CAMTA1: variants seen among roughly 807,000 people sequenced by gnomAD.
CAMTA1 encodes the protein calmodulin-binding transcription activator 1.
Under a neutral mutation model 170.9 loss-of-function variants are expected in CAMTA1, and 27 were observed. The ratio of observed to expected loss-of-function variants is 0.16; its 90% CI spans 0.12 to 0.22. The LOEUF (loss-of-function observed/expected upper bound fraction) is 0.22, where lower values mean the gene tolerates loss of function less well. CAMTA1 is among the 10% of genes least tolerant of loss of function. The probability of loss-of-function intolerance (pLI) is 1.00; values close to 1 mark genes in which losing one functional copy is unlikely to be tolerated. For synonymous variants in CAMTA1, 833 were observed against 891.5 expected (o/e 0.93, Z 1.17); for missense variants, 1,619 against 2,217.2 (o/e 0.73, Z 5.42).
intron 5 of CAMTA1, among the ~76,000 whole-genome samples, chr1:7,402,149 TC>T (rs2089948885): frequency 6.6e-6 from 1 of 152,188 alleles, no homozygotes; most frequent in Non-Finnish European, 1.5e-5. Context: ...GTGGGTTTTT[TC>T]CTAATCCAGG....
At position 7,685,103 on chromosome 1, in the gene CAMTA1, G is replaced by A. The variant is rs185989126; in HGVS notation, c.2914+7370G>A. Among the ~76,000 whole-genome samples the A allele has an allele frequency of 7.1e-4, 107 of 151,730 alleles. No individual in the cohort carries two copies. The highest frequency in any genetic ancestry group is 2.4e-3 in the Admixed American group (37 of 15,242). ...ACAGGTGGCGTGTTTTGAGGAGTTC[G>A]CAGGCACCGTCCTGCGGTCACAGGT... On this transcript the variant is annotated intron_variant, in intron 11 of 22. Transcript: ENST00000303635. The surrounding 1 kb of genome is among the most constrained non-coding windows in gnomAD (Gnocchi z 5.7).
At chr1:7,652,084 G>A (rs909269140) in intron 7 of CAMTA1, among the ~76,000 whole-genome samples, 6 of 149,428 alleles carry the variant, frequency 4.0e-5, no homozygotes, top group African/African-American at 1.2e-4. Flanking sequence ...AGGCCCTGTC[G>A]TGGAGCCAAG....
intron 3 of CAMTA1, among the ~76,000 whole-genome samples, chr1:6,831,717 A>G (rs764010071): frequency 3.9e-5 from 6 of 152,216 alleles, no homozygotes; most frequent in South Asian, 4.1e-4. Context: ...TCTCTAGAGT[A>G]AGCAAACAAA....
At chr1:7,247,611 G>C (rs1666018416) in intron 4 of CAMTA1, among the ~76,000 whole-genome samples, 1 of 152,070 alleles carries the variant, frequency 6.6e-6, no homozygotes, top group African/African-American at 2.4e-5. Flanking sequence ...TTTTTGGAGA[G>C]AATGAGCCAC....
At chr1:7,004,379 G>T (rs376293751) in intron 3 of CAMTA1, among the ~76,000 whole-genome samples, 1 of 152,206 alleles carries the variant, frequency 6.6e-6, no homozygotes, top group Non-Finnish European at 1.5e-5. Context: ...TGAAGAGGAG[G>T]CAGCTGCTCT....
chr1:7,411,275 CT>C (rs2090719597), intron 5 of CAMTA1, among the ~76,000 whole-genome samples: 1 of 152,164 alleles, frequency 6.6e-6, no homozygotes, highest in Admixed American at 6.5e-5. Flanking sequence ...AGGGGTCCCC[CT>C]CTTTGGCGCA....
Position 6,887,809 on chromosome 1 carries a change from T to C in CAMTA1, c.234+62599T>C, listed in dbSNP as rs1455230971. 4.0e-6 allele frequency: 6 copies of C among 1,500,480 alleles called. No individual in the cohort carries two copies. The highest frequency in any genetic ancestry group is 2.3e-5 in the Admixed American group (1 of 43,780). 92.9% of individuals were successfully genotyped at this position (1,500,480 alleles called of 1,614,324 possible). On this transcript the variant is annotated intron_variant, in intron 3 of 22. Transcript: ENST00000303635. The surrounding 1 kb of genome is among the most constrained non-coding windows in gnomAD (Gnocchi z 4.1). ...CATGTCTGGCTTTAAGACAGTTCTA[T>C]TAGTGAATTAACTGTTCTCAAAACC...
intron 11 of CAMTA1, among the ~76,000 whole-genome samples, chr1:7,711,202 T>C (rs1279574051): frequency 6.6e-6 from 1 of 152,184 alleles, no homozygotes; most frequent in African/African-American, 2.4e-5. Flanking sequence ...AGAGGGCAAG[T>C]TGCTCTCTGG....
intron 3 of CAMTA1, among the ~76,000 whole-genome samples, chr1:6,999,662 GT>G (rs1697905736): frequency 6.6e-6 from 1 of 152,062 alleles, no homozygotes; most frequent in South Asian, 2.1e-4. Flanking sequence ...GGATTATACC[GT>G]ACCCGGCCGG....
chr1:6,794,890 G>GTTTTTTTGTT (rs1642081688), intron 1 of CAMTA1, among the ~76,000 whole-genome samples: 1 of 147,048 alleles, frequency 6.8e-6, no homozygotes, highest in Non-Finnish European at 1.5e-5. Context: ...CTTTTTTTTT[G>GTTTTTTTGTT]TTTTTTTTGT....
In CAMTA1 at chr1:6,872,141, A is replaced by T; in HGVS notation, c.234+46931A>T. 4 of 282,178 alleles carry T rather than the reference A, an allele frequency of 1.4e-5. No individual in the cohort carries two copies. The South Asian group carries it at 2.9e-4, about 20-fold the overall frequency. 17.5% of individuals were successfully genotyped at this position (282,178 alleles called of 1,614,324 possible). A position where few individuals can be genotyped will look rare whatever the true frequency, so the allele number is the denominator to read the frequency against. On this transcript the variant is annotated intron_variant, in intron 3 of 22. Coordinates refer to ENST00000303635, the MANE Select transcript of CAMTA1 (RefSeq NM_015215.4). Reference sequence around the variant, plus strand: ...TGAATTAACTTGATATTTACGTATAACTTACACACACCCAGGACACCCATA... The same window carrying T: ...TGAATTAACTTGATATTTACGTATATCTTACACACACCCAGGACACCCATA...
At chr1:7,412,589 C>T (rs1042772095) in intron 5 of CAMTA1, among the ~76,000 whole-genome samples, 1 of 149,646 alleles carries the variant, frequency 6.7e-6, no homozygotes. Flanking sequence ...ATCCTTCGCC[C>T]ACTTTTTGAT....
intron 6 of CAMTA1, among the ~76,000 whole-genome samples, chr1:7,488,688 T>G (rs753741381): frequency 6.6e-6 from 1 of 152,090 alleles, no homozygotes; most frequent in Non-Finnish European, 1.5e-5. Context: ...CACACACATA[T>G]ACACATAAAT....
chr1:7,393,520 C>T (rs1383694163), intron 5 of CAMTA1, among the ~76,000 whole-genome samples: 5 of 152,086 alleles, frequency 3.3e-5, no homozygotes, highest in Non-Finnish European at 7.4e-5. Flanking sequence ...TAAAGTGATC[C>T]TCCTGTCCCA....
At chr1:6,954,991 G>A (rs546655368) in intron 3 of CAMTA1, among the ~76,000 whole-genome samples, 116 of 152,144 alleles carry the variant, frequency 7.6e-4, no homozygotes, top group African/African-American at 2.6e-3. Context: ...ATTCTCCTCC[G>A]TTAGAAGAGC....
At chr1:7,102,203 C>T (rs1642828789) in intron 4 of CAMTA1, among the ~76,000 whole-genome samples, 1 of 152,172 alleles carries the variant, frequency 6.6e-6, no homozygotes, top group African/African-American at 2.4e-5. Flanking sequence ...TTATTCTATA[C>T]TGGCTACTCC....
chr1:7,015,237 G>A (rs1700360993), intron 3 of CAMTA1, among the ~76,000 whole-genome samples: 1 of 152,140 alleles, frequency 6.6e-6, no homozygotes, highest in Non-Finnish European at 1.5e-5. Flanking sequence ...GATCAGTTGA[G>A]TGGGAGGCGC....
At chr1:7,453,755 G>A (rs182076385) in intron 5 of CAMTA1, among the ~76,000 whole-genome samples, 249 of 152,360 alleles carry the variant, frequency 1.6e-3, no homozygotes, top group African/African-American at 5.5e-3. Context: ...CCCTTAGGCA[G>A]AAGAAGGGGT....
chr1:7,255,898 G>T (rs1172014421), intron 5 of CAMTA1, among the ~76,000 whole-genome samples: 1 of 152,174 alleles, frequency 6.6e-6, no homozygotes, highest in Non-Finnish European at 1.5e-5. Context: ...CTAGGTCTTT[G>T]GTTTCAGAAG....
Sources: gnomAD v4.1 joint callset for allele counts (sites outside exome capture counted in the v4.1 genomes callset) on GRCh38, gnomAD v4.1.1 for gene constraint, Gnocchi (gnomAD v3.1) non-coding constraint, MANE v1.5 for transcripts, NCBI Gene and HGNC (gene_info 2026-07-23, HGNC 2026-07-21) for gene names.